PTPRF: variants seen among roughly 807,000 people sequenced by gnomAD.
The protein encoded by PTPRF is receptor-type tyrosine-protein phosphatase F.
In PTPRF, 59 loss-of-function variants were observed where a neutral mutation model predicts 201.8. That is an observed-to-expected ratio of 0.29 (90% CI 0.24 to 0.36). The LOEUF is 0.36. Ranked by LOEUF, PTPRF falls within the 10% of genes least tolerant of loss-of-function variation. The probability of loss-of-function intolerance (pLI) is 1.00; values close to 1 mark genes in which losing one functional copy is unlikely to be tolerated. For synonymous variants in PTPRF, 1,088 were observed against 1,089.7 expected, an observed-to-expected ratio of 1.00 and a Z score of 0.03; for missense variants, 2,132 against 2,690.5, an observed-to-expected ratio of 0.79 and a Z score of 4.59.
chr1:43,603,275 C>T lies in PTPRF; in HGVS notation c.2341-141C>T. ...CCTGCTTCCTCTCCAGCAGAGGCCA[C>T]CATTGTATAGCCCCACCTTCCACAA... On this transcript the variant is annotated intron_variant, in intron 14 of 33. Transcript: ENST00000359947. The surrounding 1 kb of genome is among the most constrained non-coding windows in gnomAD (Gnocchi z 5.8). 1.4e-6 allele frequency: 1 copy of T among 731,712 alleles called. No homozygotes were observed. Among genetic ancestry groups the T allele is most frequent in the East Asian group, 2.7e-5 (1 of 37,576 alleles). The allele number at this position is 731,712 out of a possible 1,614,324, so 45.3% of individuals were successfully genotyped here.
intron 7 of PTPRF, among the ~76,000 whole-genome samples, chr1:43,585,788 C>T (rs909541272): frequency 6.6e-6 from 1 of 152,152 alleles, no homozygotes; most frequent in South Asian, 2.1e-4. Context: ...TAGGTTGGTG[C>T]CCAAGGTTTA....
chr1:43,603,885 C>T lies in PTPRF; in HGVS notation c.2733C>T (p.Pro911=), dbSNP rs749008896. ...AGTTCGAGAAGGAGATCAGGACCCC[C>T]GAGGACCTGCCCAGCGGCTTCCCCC... is the stretch of plus-strand genomic sequence containing the variant. The part of the protein sequence containing the change: ...GEEFEKEIRT[P]EDLPSGFPQN... The change falls in exon 16 of 34, where the codon CCC becomes CCT. Residue 911 remains proline (P), a synonymous_variant. Coordinates refer to ENST00000359947, the MANE Select transcript of PTPRF (RefSeq NM_002840.5). The surrounding 1 kb of genome is among the most constrained non-coding windows in gnomAD (Gnocchi z 5.8). 42 of 1,613,936 alleles carry T rather than the reference C, an allele frequency of 2.6e-5. No individual in the cohort carries two copies. The highest frequency in any genetic ancestry group is 6.6e-5 in the South Asian group (6 of 91,092).
At chr1:43,618,567 C>T (rs1658423493) in intron 25 of PTPRF, 63 bp from the exon 26 acceptor site, 10 of 1,558,032 alleles carry the variant, frequency 6.4e-6, no homozygotes, top group Non-Finnish European at 6.1e-6. Context: ...CCAGCCTCCA[C>T]CCTGCTTCTG....
intron 6 of PTPRF, among the ~76,000 whole-genome samples, chr1:43,578,079 C>G (rs930472958): frequency 6.6e-6 from 1 of 152,182 alleles, no homozygotes; most frequent in East Asian, 1.9e-4. Context: ...CCACCCCGAT[C>G]CTGGCTCCTG....
At chr1:43,579,245 CAT>C (rs753487726) in intron 7 of PTPRF, 20 of 562,528 alleles carry the variant, frequency 3.6e-5, no homozygotes, top group Admixed American at 8.9e-5. Context: ...GGTGTATGTG[CAT>C]GTGTGTGTGC....
At chr1:43,612,280 T>C (rs933890300) in intron 22 of PTPRF, among the ~76,000 whole-genome samples, 1 of 151,734 alleles carries the variant, frequency 6.6e-6, no homozygotes. Context: ...GCGTGGCAAG[T>C]GGGGGCTGAG....
At chr1:43,618,109 G>A (rs1413720212) in intron 25 of PTPRF, among the ~76,000 whole-genome samples, 198 bp downstream of exon 25, 1 of 152,210 alleles carries the variant, frequency 6.6e-6, no homozygotes, top group African/African-American at 2.4e-5. Flanking sequence ...CATGCTAGTG[G>A]GTTCCTTAAG....
rs1176917805 is a variant in PTPRF, at chr1:43,553,765, G to C, written c.238-35G>C. On this transcript the variant is annotated intron_variant, in intron 4 of 33. Transcript: ENST00000359947. The surrounding 1 kb of genome is among the most constrained non-coding windows in gnomAD (Gnocchi z 4.1). ...GACCCTGAGCAGGCTCCTGTGTCCTGAGTAGGCTGTGACCCCATGTCTGTC... is the reference window on the plus strand; with the variant it reads ...GACCCTGAGCAGGCTCCTGTGTCCTCAGTAGGCTGTGACCCCATGTCTGTC... 1 of 1,613,636 alleles carries C rather than the reference G, an allele frequency of 6.2e-7. No individual in the cohort carries two copies. Among genetic ancestry groups the C allele is most frequent in the African/African-American group, 1.3e-5 (1 of 74,920 alleles).
rs568583003 is a variant in PTPRF, at chr1:43,561,625, CT to C, written c.379+7685del. Among the ~76,000 whole-genome samples, 594 of 152,262 alleles carry C rather than the reference CT, an allele frequency of 3.9e-3. 9 individuals carry two copies. Among genetic ancestry groups the C allele is most frequent in the African/African-American group, 0.013 (549 of 41,538 alleles). On this transcript the variant is annotated intron_variant, in intron 5 of 33. Coordinates refer to ENST00000359947, the MANE Select transcript of PTPRF (RefSeq NM_002840.5). ...CAACTGAGGCATGACCTGTATACCC[CT>C]GGTCCAGCTGCTGTAGTCCTCTGTG... is the stretch of plus-strand genomic sequence containing the variant.
At chr1:43,600,645 G>A (rs1321719406) in intron 13 of PTPRF, among the ~76,000 whole-genome samples, 1 of 151,274 alleles carries the variant, frequency 6.6e-6, no homozygotes, top group Non-Finnish European at 1.5e-5. Context: ...ACTATGTGGT[G>A]CAGGTTCCCA....
upstream of PTPRF, among the ~76,000 whole-genome samples, chr1:43,525,719 C>T (rs936960740): frequency 6.3e-5 from 9 of 142,330 alleles, no homozygotes; most frequent in South Asian, 2.3e-4. Flanking sequence ...GCAGAAGAAT[C>T]GCTTGAACCC....
chr1:43,570,539 C>T (rs1319428869), intron 6 of PTPRF, among the ~76,000 whole-genome samples: 1 of 152,250 alleles, frequency 6.6e-6, no homozygotes, highest in Non-Finnish European at 1.5e-5. Context: ...GGCAGGATGG[C>T]CAGTGCCGGC....
At chr1:43,524,263 T>C (rs1438754223), upstream of PTPRF, among the ~76,000 whole-genome samples, 2 of 152,140 alleles carry the variant, frequency 1.3e-5, no homozygotes, top group Non-Finnish European at 2.9e-5. Flanking sequence ...CAATGTTCGA[T>C]ATTCAGATGA....
intron 5 of PTPRF, among the ~76,000 whole-genome samples, chr1:43,563,875 G>C (rs1335542319): frequency 1.3e-5 from 2 of 152,170 alleles, no homozygotes; most frequent in Non-Finnish European, 2.9e-5. Flanking sequence ...TGGAACTCCA[G>C]TGTGGGTCGG....
chr1:43,615,980 G>T (rs1417496316), intron 23 of PTPRF, among the ~76,000 whole-genome samples: 1 of 152,126 alleles, frequency 6.6e-6, no homozygotes, highest in Non-Finnish European at 1.5e-5. Flanking sequence ...TGGGGAGCAT[G>T]TGCAGACAGA....
chr1:43,561,190 T>C (rs946590088), intron 5 of PTPRF, among the ~76,000 whole-genome samples: 48 of 152,180 alleles, frequency 3.2e-4, no homozygotes, highest in African/African-American at 8.7e-4. Flanking sequence ...GGGTCAATGA[T>C]AGACATATGA....
chr1:43,605,490 C>T lies in PTPRF; in HGVS notation c.3390-39C>T, dbSNP rs370647896. 10 of 1,612,502 alleles carry T rather than the reference C, an allele frequency of 6.2e-6. No individual in the cohort carries two copies. The African/African-American group carries it at 1.3e-4, about 22-fold the overall frequency. ...GGAGGCGGGGCAGGGCTGGAGGTAA[C>T]CAGCAGTGACAGTCCTGATTCCTGC... On this transcript the variant is annotated intron_variant, in intron 18 of 33. Coordinates refer to ENST00000359947, the MANE Select transcript of PTPRF (RefSeq NM_002840.5).
intron 1 of PTPRF, among the ~76,000 whole-genome samples, chr1:43,534,420 A>T (rs1003803738): frequency 1.1e-4 from 17 of 152,204 alleles, no homozygotes; most frequent in Admixed American, 1.3e-4. Context: ...GTGAGAGAAG[A>T]TGCTGGCTTT....
intron 5 of PTPRF, among the ~76,000 whole-genome samples, chr1:43,555,083 C>T (rs1443231048): frequency 6.6e-6 from 1 of 152,054 alleles, no homozygotes; most frequent in Non-Finnish European, 1.5e-5. Context: ...AACTCCTGAC[C>T]TCAGGTGATC....
Sources: gnomAD v4.1 joint callset for allele counts (sites outside exome capture counted in the v4.1 genomes callset) on GRCh38, gnomAD v4.1.1 for gene constraint, Gnocchi (gnomAD v3.1) non-coding constraint, MANE v1.5 for transcripts, NCBI Gene and HGNC (gene_info 2026-07-23, HGNC 2026-07-21) for gene names.